The following COQ8A variants were observed in gnomAD, a reference collection of about 807,000 sequenced individuals.
COQ8A encodes atypical kinase COQ8A, mitochondrial.
Under a neutral mutation model 65.0 loss-of-function variants are expected in COQ8A, and 51 were observed. The ratio of observed to expected loss-of-function variants is 0.78; its 90% CI spans 0.63 to 0.99. The LOEUF (loss-of-function observed/expected upper bound fraction) is 0.99, where lower values mean the gene tolerates loss of function less well. Ranked by LOEUF, COQ8A falls within the 50% of genes least tolerant of loss-of-function variation. The pLI is 0.00. For synonymous variants in COQ8A, 371 were observed against 353.2 expected, an observed-to-expected ratio of 1.05 and a Z score of -0.57; for missense variants, 940 against 875.0, an observed-to-expected ratio of 1.07 and a Z score of -0.94.
chr1:226,961,570 G>A lies in COQ8A; in HGVS notation c.177+8G>A. Reference sequence around the variant, plus strand: ...TTCTTGGGGAAGGTGCAGGTAAGGGGGCCTGGCAGTGGGAGGGGTGCTGGC... The same window carrying A: ...TTCTTGGGGAAGGTGCAGGTAAGGGAGCCTGGCAGTGGGAGGGGTGCTGGC... On this transcript the variant is annotated splice_region_variant and intron_variant, in intron 2 of 14. Coordinates refer to ENST00000366777, the MANE Select transcript of COQ8A (RefSeq NM_020247.5). 6.2e-7 allele frequency: 1 copy of A among 1,605,338 alleles called. No individual in the cohort carries two copies.
chr1:226,966,070 C>T (rs180773096), intron 4 of COQ8A, among the ~76,000 whole-genome samples: 52 of 152,366 alleles, frequency 3.4e-4, no homozygotes, highest in Admixed American at 1.9e-3. Context: ...CACTACCAGT[C>T]GGCTGCTTTG....
chr1:226,965,539 TTGG>T (rs1477997180), intron 3 of COQ8A, 129 bp downstream of exon 3: 5 of 1,503,386 alleles, frequency 3.3e-6, no homozygotes, highest in Non-Finnish European at 4.6e-6. Flanking sequence ...TGGCCTTCTC[TTGG>T]TGGAGTGTGC....
intron 1 of COQ8A, among the ~76,000 whole-genome samples, chr1:226,944,543 G>A (rs1656882157): frequency 6.6e-6 from 1 of 151,894 alleles, no homozygotes; most frequent in African/African-American, 2.4e-5. Context: ...GGCCAAGAAT[G>A]TGCGGGCCCT....
Position 226,984,864 on chromosome 1 carries a change from C to G in COQ8A, c.1507-12C>G. The G allele has an allele frequency of 1.2e-6, 2 of 1,614,160 alleles. No individual in the cohort carries two copies. The highest frequency in any genetic ancestry group is 1.7e-6 in the Non-Finnish European group (2 of 1,180,008). On this transcript the variant is annotated splice_polypyrimidine_tract_variant and intron_variant, in intron 12 of 14. Coordinates refer to ENST00000366777, the MANE Select transcript of COQ8A (RefSeq NM_020247.5). ...ACCAGGGCCAAACTTCTCCTGGTGT[C>G]TCTGTCCCCAGGTGGCTCTTTTGGA... is the stretch of plus-strand genomic sequence containing the variant.
At chr1:226,980,811 C>G (rs1009397294) in intron 5 of COQ8A, among the ~76,000 whole-genome samples, 2 of 152,238 alleles carry the variant, frequency 1.3e-5, no homozygotes, top group African/African-American at 4.8e-5. Context: ...TTCTCCGAGG[C>G]TCCTCTTCCG....
intron 5 of COQ8A, among the ~76,000 whole-genome samples, chr1:226,980,357 G>A (rs987331721): frequency 4.6e-5 from 7 of 152,342 alleles, no homozygotes; most frequent in African/African-American, 1.2e-4. Context: ...GCCAGGCACC[G>A]TTCCCATCTC....
chr1:226,979,606 G>T (rs1379538798), intron 5 of COQ8A, among the ~76,000 whole-genome samples: 2 of 152,186 alleles, frequency 1.3e-5, no homozygotes. Flanking sequence ...CCAGTGTCTG[G>T]CCACACTGCA....
At chr1:226,965,846 G>A in intron 4 of COQ8A, 109 bp downstream of exon 4, 2 of 1,275,158 alleles carry the variant, frequency 1.6e-6, no homozygotes, top group Admixed American at 1.8e-5. Context: ...GGCGTTGGGG[G>A]AGCAGGTGGC....
At chr1:226,965,821 C>T in intron 4 of COQ8A, 84 bp downstream of exon 4, 2 of 1,472,008 alleles carry the variant, frequency 1.4e-6, no homozygotes, top group Non-Finnish European at 1.9e-6. Context: ...GGGGACCCAG[C>T]AATATCCCGG....
chr1:226,985,059 G>A, intron 13 of COQ8A, 118 bp downstream of exon 13: 1 of 1,386,716 alleles, frequency 7.2e-7, no homozygotes. Context: ...CATCTGCGCT[G>A]CCTGCCCCTC....
At chr1:226,979,694 C>T (rs1457467125) in intron 5 of COQ8A, among the ~76,000 whole-genome samples, 1 of 152,206 alleles carries the variant, frequency 6.6e-6, no homozygotes, top group African/African-American at 2.4e-5. Flanking sequence ...CCCCCTTCAC[C>T]CACCAACGCT....
At chr1:226,978,266 C>T (rs1659397384) in intron 5 of COQ8A, among the ~76,000 whole-genome samples, 1 of 109,042 alleles carries the variant, frequency 9.2e-6, no homozygotes. Context: ...GCCTCCGCAC[C>T]CACTGAACAC....
intron 2 of COQ8A, among the ~76,000 whole-genome samples, 167 bp from the exon 3 acceptor site, chr1:226,964,833 C>T (rs961619276): frequency 2.0e-5 from 3 of 152,232 alleles, no homozygotes; most frequent in Non-Finnish European, 4.4e-5. Context: ...CAGGTCCCGG[C>T]TCCCAGGCTG....
Position 226,983,582 on chromosome 1 carries a change from G to C in COQ8A, c.1111G>C (p.Asp371His). ...YPGVAQSINS[D>H]VNNLMAVLNM... ...TGGCGTGGCCCAGAGCATCAACAGT[G>C]ATGTCAACAACCTCATGGCCGTGTT... Residue 371 changes from aspartate to histidine, a missense_variant, in exon 9 of 15, where the codon GAT becomes CAT. Coordinates refer to ENST00000366777, the MANE Select transcript of COQ8A (RefSeq NM_020247.5). 6.2e-7 allele frequency: 1 copy of C among 1,614,008 alleles called. No individual in the cohort carries two copies. Among genetic ancestry groups the C allele is most frequent in the Non-Finnish European group, 8.5e-7 (1 of 1,180,018 alleles).
intron 4 of COQ8A, among the ~76,000 whole-genome samples, chr1:226,970,290 G>A (rs1255756689): frequency 6.6e-6 from 1 of 152,196 alleles, no homozygotes. Context: ...TCCGAGAAAT[G>A]TGTCGTTAGG....
chr1:226,951,947 A>G (rs1657414996), intron 1 of COQ8A, among the ~76,000 whole-genome samples: 1 of 152,182 alleles, frequency 6.6e-6, no homozygotes, highest in Non-Finnish European at 1.5e-5. Context: ...CCTGCCCTGG[A>G]AGGACACTAA....
intron 2 of COQ8A, 133 bp from the exon 3 acceptor site, chr1:226,964,867 C>T (rs543029432): frequency 3.8e-6 from 4 of 1,040,932 alleles, no homozygotes; most frequent in South Asian, 2.7e-5. Flanking sequence ...GCCTCAGGTG[C>T]AGCACTGTGC....
chr1:226,948,950 A>G (rs1657205890), intron 1 of COQ8A, among the ~76,000 whole-genome samples: 2 of 152,120 alleles, frequency 1.3e-5, no homozygotes, highest in South Asian at 4.1e-4. Context: ...CTCCATTTAT[A>G]TTGGACAATA....
chr1:226,980,115 C>T (rs1180012808), intron 5 of COQ8A, among the ~76,000 whole-genome samples: 3 of 152,220 alleles, frequency 2.0e-5, no homozygotes, highest in African/African-American at 4.8e-5. Flanking sequence ...AACTGTGCTC[C>T]AGCTTCCTGA....
Sources: allele counts gnomAD v4.1 joint callset (sites outside exome capture counted in the v4.1 genomes callset), GRCh38; gene constraint gnomAD v4.1.1; transcripts MANE v1.5; gene names NCBI Gene and HGNC (gene_info 2026-07-23, HGNC 2026-07-21).